Variants in LHFPL6 observed in about 807,000 individuals in gnomAD.
The protein encoded by LHFPL6 is LHFPL tetraspan subfamily member 6.
Under a neutral mutation model 20.6 loss-of-function variants are expected in LHFPL6, and 9 were observed. The observed-to-expected ratio is 0.44, with a 90% CI of 0.26 to 0.76. The LOEUF (loss-of-function observed/expected upper bound fraction) is 0.76, where lower values mean the gene tolerates loss of function less well. Ranked by LOEUF, LHFPL6 falls within the 30% of genes least tolerant of loss-of-function variation. The probability of loss-of-function intolerance (pLI) is 0.20; values close to 1 mark genes in which losing one functional copy is unlikely to be tolerated. For synonymous variants in LHFPL6, 105 were observed against 98.7 expected, an observed-to-expected ratio of 1.06 and a Z score of -0.38; for missense variants, 218 against 253.5, an observed-to-expected ratio of 0.86 and a Z score of 0.95.
At chr13:39,383,350 C>T (rs2138364242) in intron 2 of LHFPL6, among the ~76,000 whole-genome samples, 1 of 152,366 alleles carries the variant, frequency 6.6e-6, no homozygotes, top group African/African-American at 2.4e-5. Flanking sequence ...AGAGAAAGAT[C>T]TTAACCTGGA....
chr13:39,446,190 G>C (rs181182328), intron 2 of LHFPL6, among the ~76,000 whole-genome samples: 83 of 152,260 alleles, frequency 5.5e-4, no homozygotes, highest in African/African-American at 2.0e-3. Flanking sequence ...TGATAAAGTG[G>C]AAGAAATATG....
chr13:39,461,648 G>C (rs566326318), intron 2 of LHFPL6, among the ~76,000 whole-genome samples: 1 of 152,160 alleles, frequency 6.6e-6, no homozygotes, highest in East Asian at 1.9e-4. Flanking sequence ...GCTAAGGCTA[G>C]TCTATGCCCA....
intron 2 of LHFPL6, among the ~76,000 whole-genome samples, chr13:39,532,892 G>A (rs1337865816): frequency 1.3e-5 from 2 of 152,152 alleles, no homozygotes; most frequent in Non-Finnish European, 2.9e-5. Context: ...GAAGAAACTA[G>A]TTAAAGTTAT....
At chr13:39,351,461 A>G (rs186331582) in intron 3 of LHFPL6, among the ~76,000 whole-genome samples, 1 of 151,398 alleles carries the variant, frequency 6.6e-6, no homozygotes, top group Non-Finnish European at 1.5e-5. Flanking sequence ...ATGTATAAAA[A>G]AAGATCTTAA....
At chr13:39,520,706 G>T (rs926496109) in intron 2 of LHFPL6, among the ~76,000 whole-genome samples, 2 of 152,124 alleles carry the variant, frequency 1.3e-5, no homozygotes, top group Non-Finnish European at 2.9e-5. Flanking sequence ...AACAGCGATG[G>T]CATCGCTGAG....
intron 2 of LHFPL6, among the ~76,000 whole-genome samples, chr13:39,441,191 A>G (rs1436760397): frequency 8.7e-6 from 1 of 115,526 alleles, no homozygotes; most frequent in Non-Finnish European, 1.6e-5. Flanking sequence ...TCTGTTGCTC[A>G]GGTTGATCTT....
chr13:39,438,310 T>C (rs749996687), intron 2 of LHFPL6, among the ~76,000 whole-genome samples: 7 of 152,210 alleles, frequency 4.6e-5, no homozygotes, highest in Non-Finnish European at 1.0e-4. Context: ...AATTTCTAAG[T>C]AGCAAAGCAT....
At chr13:39,498,341 A>G (rs560370522) in intron 2 of LHFPL6, among the ~76,000 whole-genome samples, 3 of 152,104 alleles carry the variant, frequency 2.0e-5, no homozygotes, top group Non-Finnish European at 4.4e-5. Flanking sequence ...CCAAGCACCT[A>G]CTCTGTAGAG....
chr13:39,509,697 C>T (rs7990077), intron 2 of LHFPL6, among the ~76,000 whole-genome samples: 57,922 of 151,858 alleles, frequency 0.38, 13,455 homozygotes, highest in African/African-American at 0.66. Context: ...CAGTGGCTCA[C>T]GCCTGTAATC....
chr13:39,395,040 C>T (rs1398410887), intron 2 of LHFPL6, among the ~76,000 whole-genome samples: 2 of 152,098 alleles, frequency 1.3e-5, no homozygotes, highest in Non-Finnish European at 1.5e-5. Flanking sequence ...CTCCTTCCCA[C>T]GGGGCTCCAA....
intron 2 of LHFPL6, among the ~76,000 whole-genome samples, chr13:39,504,680 T>G (rs1869411755): frequency 1.3e-5 from 2 of 152,206 alleles, no homozygotes; most frequent in African/African-American, 4.8e-5. Context: ...CTCTAATGAC[T>G]TCATTTTAAC....
At chr13:39,429,724 C>T (rs941222980) in intron 2 of LHFPL6, among the ~76,000 whole-genome samples, 2 of 152,196 alleles carry the variant, frequency 1.3e-5, no homozygotes, top group African/African-American at 4.8e-5. Context: ...TCCAAATCCT[C>T]TTCTCCCATT....
Position 39,593,873 on chromosome 13 carries a change from C to T in LHFPL6, c.385+6959G>A, listed in dbSNP as rs528652721. ...AAAAATGAGAAATGGGGAAAGGATT[C>T]GCTATTTAATAAATGGTGCTAGGAA... On this transcript the variant is annotated intron_variant, in intron 2 of 3. Transcript: ENST00000379589. Among the ~76,000 whole-genome samples, 10 of 152,276 alleles carry T rather than the reference C, an allele frequency of 6.6e-5. No individual in the cohort carries two copies. In the South Asian group the frequency reaches 1.2e-3, roughly 19 times the overall value.
chr13:39,378,393 T>C (rs1870349749), intron 3 of LHFPL6, 35 bp downstream of exon 3: 1 of 1,559,466 alleles, frequency 6.4e-7, no homozygotes, highest in East Asian at 2.2e-5. Flanking sequence ...AAGGTTCTTT[T>C]TCTAAAAGGA....
chr13:39,450,435 T>C (rs1259015712), intron 2 of LHFPL6, among the ~76,000 whole-genome samples: 1 of 152,214 alleles, frequency 6.6e-6, no homozygotes, highest in African/African-American at 2.4e-5. Context: ...TAATGAGTTA[T>C]GAAAGTACTA....
intron 2 of LHFPL6, among the ~76,000 whole-genome samples, chr13:39,384,952 G>A (rs1230272711): frequency 1.3e-5 from 2 of 152,198 alleles, no homozygotes; most frequent in Admixed American, 1.3e-4. Flanking sequence ...AGGAAGGTGG[G>A]AACCAAGGTG....
At chr13:39,409,962 A>G (rs1328880998) in intron 2 of LHFPL6, among the ~76,000 whole-genome samples, 1 of 152,240 alleles carries the variant, frequency 6.6e-6, no homozygotes, top group African/African-American at 2.4e-5. Flanking sequence ...TTTTTGTTAC[A>G]GAAGCAATAA....
intron 2 of LHFPL6, among the ~76,000 whole-genome samples, chr13:39,434,432 G>T (rs1457582703): frequency 2.0e-5 from 3 of 152,178 alleles, no homozygotes; most frequent in African/African-American, 7.2e-5. Context: ...TTTGCAACAT[G>T]AGTGATTCTA....
chr13:39,500,245 A>G (rs957730337), intron 2 of LHFPL6, among the ~76,000 whole-genome samples: 1 of 152,030 alleles, frequency 6.6e-6, no homozygotes, highest in Non-Finnish European at 1.5e-5. Context: ...TCTGTTGCCC[A>G]GGCTGGAGTG....
Sources: gnomAD v4.1 joint callset for allele counts (sites outside exome capture counted in the v4.1 genomes callset) on GRCh38, gnomAD v4.1.1 for gene constraint, MANE v1.5 for transcripts, NCBI Gene and HGNC (gene_info 2026-07-23, HGNC 2026-07-21) for gene names.